Variants in NIBAN1 observed in about 807,000 individuals in gnomAD.
NIBAN1 encodes niban apoptosis regulator 1, also known as protein Niban 1.
A neutral mutation model predicts 75.1 loss-of-function variants in NIBAN1; 81 were observed. That is an observed-to-expected ratio of 1.08 (90% confidence interval 0.90 to 1.30). The LOEUF (loss-of-function observed/expected upper bound fraction) is 1.30, where lower values mean the gene tolerates loss of function less well. Among genes scored for constraint, NIBAN1 ranks in the 50% most tolerant of loss-of-function variants. The probability of loss-of-function intolerance (pLI) is 0.00; values close to 1 mark genes in which losing one functional copy is unlikely to be tolerated. For synonymous variants in NIBAN1, 436 were observed against 424.8 expected (o/e 1.03, Z -0.32); for missense variants, 1,133 against 1,128.1 (o/e 1.00, Z -0.06).
At position 184,968,096 on chromosome 1, in the gene NIBAN1, G is replaced by A. The variant is rs1195290894; in HGVS notation, c.55+6206C>T. ...CGGGGGCCTGTAGTCCCAGCTACTG[G>A]GGAGGCTGAGGCAGGAGAATGGCGT... On this transcript the variant is annotated intron_variant, in intron 1 of 13. Coordinates refer to ENST00000367511, the MANE Select transcript of NIBAN1 (RefSeq NM_052966.4). 7.4e-5 allele frequency among the ~76,000 whole-genome samples: 4 copies of A among 54,370 alleles called. 2 individuals are homozygous for A. The highest frequency in any genetic ancestry group is 7.1e-4 in the Admixed American group (4 of 5,670). 35.7% of individuals were successfully genotyped at this position (54,370 alleles called of 152,430 possible). A position where few individuals can be genotyped will look rare whatever the true frequency, so the allele number is the denominator to read the frequency against.
intron 4 of NIBAN1, among the ~76,000 whole-genome samples, chr1:184,889,258 A>G (rs892209462): frequency 6.6e-6 from 1 of 152,204 alleles, no homozygotes; most frequent in Non-Finnish European, 1.5e-5. Context: ...AGACCCTTCT[A>G]GGTTTTTAAG....
At chr1:184,876,961 C>T (rs771254000) in intron 5 of NIBAN1, among the ~76,000 whole-genome samples, 6 of 152,144 alleles carry the variant, frequency 3.9e-5, no homozygotes, top group Admixed American at 6.5e-5. Context: ...CATGCAAATA[C>T]ACTCATTAAC....
chr1:184,861,834 G>C (rs1248330728), intron 5 of NIBAN1, among the ~76,000 whole-genome samples: 1 of 151,954 alleles, frequency 6.6e-6, no homozygotes, highest in Admixed American at 6.6e-5. Flanking sequence ...AAGTAGGGAG[G>C]TAGGGAGTTA....
intron 2 of NIBAN1, among the ~76,000 whole-genome samples, chr1:184,898,698 G>A (rs192043015): frequency 4.0e-4 from 61 of 152,184 alleles, no homozygotes; most frequent in Admixed American, 1.2e-3. Context: ...TTTATTACCC[G>A]TTTCCTGTGT....
intron 9 of NIBAN1, among the ~76,000 whole-genome samples, chr1:184,811,402 G>A (rs1654370925): frequency 1.3e-5 from 2 of 152,014 alleles, no homozygotes; most frequent in Non-Finnish European, 2.9e-5. Flanking sequence ...CATTAGGCCT[G>A]GGAGGCAGTG....
intron 1 of NIBAN1, among the ~76,000 whole-genome samples, chr1:184,923,976 A>G (rs992761914): frequency 9.8e-5 from 14 of 142,942 alleles, no homozygotes; most frequent in African/African-American, 3.4e-4. Context: ...TTTTTTTGGT[A>G]GAGTCTTCAT....
intron 5 of NIBAN1, chr1:184,867,902 C>G: frequency 1.0e-6 from 1 of 985,436 alleles, no homozygotes; most frequent in Non-Finnish European, 1.2e-6. Flanking sequence ...TTGTCTACCC[C>G]GTCACTTAAA....
rs1654110545 is a variant in NIBAN1, at chr1:184,803,686, C to T, written c.1453G>A (p.Asp485Asn). The T allele has an allele frequency of 1.2e-6, 2 of 1,613,396 alleles. No individual in the cohort carries two copies. The highest frequency in any genetic ancestry group is 1.7e-6 in the Non-Finnish European group (2 of 1,179,488). The stretch of plus-strand genomic sequence containing the variant: ...TTTCGGATGGTGCTGCTGTCATAAT[C>T]ATATTGCTGTCAATAAAGAAACATA... ...KVKLRVLKQY[D>N]YDSSTIRKKI... Residue 485 changes from aspartate (D) to asparagine (N), a missense_variant, in exon 12 of 14, where the codon GAT (aspartate) becomes AAT (asparagine). Transcript: ENST00000367511.
At chr1:184,917,202 C>CT (rs34437861) in intron 1 of NIBAN1, among the ~76,000 whole-genome samples, 12,220 of 137,434 alleles carry the variant, frequency 0.089, 733 homozygotes, top group African/African-American at 0.17. Flanking sequence ...ATCTCTTCCA[C>CT]TTTTTTTTTT....
intron 1 of NIBAN1, among the ~76,000 whole-genome samples, chr1:184,913,652 G>A (rs1657306537): frequency 6.6e-6 from 1 of 152,096 alleles, no homozygotes; most frequent in South Asian, 2.1e-4. Flanking sequence ...TTTTATAGGT[G>A]AAAACCAAAC....
intron 5 of NIBAN1, among the ~76,000 whole-genome samples, chr1:184,853,151 C>T (rs1417633820): frequency 6.6e-6 from 1 of 152,092 alleles, no homozygotes; most frequent in Non-Finnish European, 1.5e-5. Flanking sequence ...TAGGTTCTTC[C>T]TAAACCCCTT....
intron 5 of NIBAN1, among the ~76,000 whole-genome samples, chr1:184,874,340 AAAACT>A (rs1379901046): frequency 6.6e-6 from 1 of 152,034 alleles, no homozygotes; most frequent in African/African-American, 2.4e-5. Context: ...CACATGTAAA[AAAACT>A]AAATGCTCAT....
At chr1:184,819,230 A>G (rs1254921605) in intron 8 of NIBAN1, among the ~76,000 whole-genome samples, 1 of 152,150 alleles carries the variant, frequency 6.6e-6, no homozygotes, top group Non-Finnish European at 1.5e-5. Flanking sequence ...CTAGGAGTTA[A>G]TCACTCAGTA....
chr1:184,954,523 G>A (rs1318257943), intron 1 of NIBAN1, among the ~76,000 whole-genome samples: 1 of 152,158 alleles, frequency 6.6e-6, no homozygotes, highest in African/African-American at 2.4e-5. Context: ...GGTTAATGAG[G>A]GAGTCAAGCA....
chr1:184,859,191 A>C (rs1655752580), intron 5 of NIBAN1, among the ~76,000 whole-genome samples: 1 of 151,812 alleles, frequency 6.6e-6, no homozygotes, highest in Non-Finnish European at 1.5e-5. Context: ...TGCGGTTTTA[A>C]ATAAATAAAT....
At position 184,884,799 on chromosome 1, in the gene NIBAN1, G is replaced by A. The variant is rs1571546213; in HGVS notation, c.435C>T (p.Ala145=). The A allele has an allele frequency of 6.2e-7, 1 of 1,612,756 alleles. No individual in the cohort carries two copies. Among genetic ancestry groups the A allele is most frequent in the African/African-American group, 1.3e-5 (1 of 74,862 alleles). The change falls in exon 5 of 14, where the codon GCC becomes GCT. Residue 145 remains alanine, a splice_region_variant and synonymous_variant. Coordinates refer to ENST00000367511, the MANE Select transcript of NIBAN1 (RefSeq NM_052966.4). ...GCTGAGTGTTCTCCTTCTCACTGGA[G>A]GCTAAAGAAATATTGAAAACACAAA... ...LSDRHFPDPL[A]SSEKENTQPF...
intron 2 of NIBAN1, among the ~76,000 whole-genome samples, chr1:184,898,135 C>T (rs1016993677): frequency 6.6e-6 from 1 of 152,186 alleles, no homozygotes; most frequent in African/African-American, 2.4e-5. Context: ...TTGTTCCTCC[C>T]TCCTCCCTTG....
At chr1:184,962,805 T>C (rs1658685190) in intron 1 of NIBAN1, among the ~76,000 whole-genome samples, 1 of 152,208 alleles carries the variant, frequency 6.6e-6, no homozygotes, top group Non-Finnish European at 1.5e-5. Flanking sequence ...TTATAGTCAA[T>C]TGATCATCTT....
Position 184,884,743 on chromosome 1 carries a change from A to C in NIBAN1, c.491T>G (p.Val164Gly), listed in dbSNP as rs758389600. Residue 164 changes from valine (V) to glycine (G), a missense_variant, in exon 5 of 14, where the codon GTG becomes GGG. Physicochemically the swap from Val to Gly is moderately radical, Grantham distance 109 (BLOSUM62 -3). Coordinates refer to ENST00000367511, the MANE Select transcript of NIBAN1 (RefSeq NM_052966.4). ...PFVVLPKEFP[V>G]YLWQPFFRHG... ...TCTGAAGAAGGGCTGCCACAGGTAC[A>C]CTGGGAATTCCTTGGGCAGGACCAC... is the stretch of plus-strand genomic sequence containing the variant. The C allele has an allele frequency of 4.1e-5, 66 of 1,614,088 alleles. No homozygotes were observed. The highest frequency in any genetic ancestry group is 5.3e-5 in the Non-Finnish European group (63 of 1,180,012).
Sources: gnomAD v4.1 joint callset for allele counts (sites outside exome capture counted in the v4.1 genomes callset) on GRCh38, gnomAD v4.1.1 for gene constraint, MANE v1.5 for transcripts, NCBI Gene and HGNC (gene_info 2026-07-23, HGNC 2026-07-21) for gene names.